The following KIFAP3 variants were observed in gnomAD, a reference collection of about 807,000 sequenced individuals.
The protein encoded by KIFAP3 is kinesin-associated protein 3.
KIFAP3 carries 68 observed loss-of-function variants against 106.5 expected under a neutral mutation model. The ratio of observed to expected loss-of-function variants is 0.64; its 90% CI spans 0.53 to 0.78. KIFAP3 has a LOEUF of 0.78. KIFAP3 is among the 30% of genes least tolerant of loss of function. The pLI, the probability that KIFAP3 is intolerant of heterozygous loss-of-function variation, is 0.00. For synonymous variants in KIFAP3, 320 were observed against 311.5 expected, an observed-to-expected ratio of 1.03 and a Z score of -0.29; for missense variants, 780 against 941.8, an observed-to-expected ratio of 0.83 and a Z score of 2.25.
chr1:170,069,841 A>AAT (rs199681298), intron 1 of KIFAP3, among the ~76,000 whole-genome samples: 4,280 of 151,664 alleles, frequency 0.028, 169 homozygotes, highest in East Asian at 0.12. Flanking sequence ...TGGGAAAAAA[A>AAT]AATAAAAAGG....
At chr1:170,073,864 C>G (rs188040980) in intron 1 of KIFAP3, among the ~76,000 whole-genome samples, 12 of 152,242 alleles carry the variant, frequency 7.9e-5, no homozygotes, top group Admixed American at 1.3e-4. Flanking sequence ...TTAATAATTA[C>G]TAAATGTCCT....
intron 19 of KIFAP3, among the ~76,000 whole-genome samples, chr1:169,948,446 C>T (rs1664557495): frequency 6.6e-6 from 1 of 151,824 alleles, no homozygotes; most frequent in Admixed American, 6.6e-5. Flanking sequence ...TAATAACACA[C>T]TAAATGAAGC....
upstream of KIFAP3, among the ~76,000 whole-genome samples, chr1:170,076,922 C>G (rs1671930552): frequency 6.6e-6 from 1 of 152,206 alleles, no homozygotes; most frequent in Non-Finnish European, 1.5e-5. Flanking sequence ...CAAACAGCAT[C>G]ATTAGTGAGA....
chr1:169,981,781 A>C (rs1666536596), intron 15 of KIFAP3, among the ~76,000 whole-genome samples, 191 bp downstream of exon 15: 1 of 152,186 alleles, frequency 6.6e-6, no homozygotes, highest in Non-Finnish European at 1.5e-5. Flanking sequence ...TTGAAAGCTA[A>C]AGATCTTTGA....
intron 2 of KIFAP3, among the ~76,000 whole-genome samples, chr1:170,051,866 G>C (rs977413343): frequency 3.3e-5 from 5 of 152,148 alleles, no homozygotes; most frequent in Non-Finnish European, 5.9e-5. Context: ...GAAATTTATA[G>C]CACTAAATGC....
intron 16 of KIFAP3, among the ~76,000 whole-genome samples, chr1:169,977,351 G>C (rs1189806883): frequency 1.3e-5 from 2 of 152,170 alleles, no homozygotes; most frequent in African/African-American, 4.8e-5. Context: ...ATGCGAGAAT[G>C]ATAAACTACC....
upstream of KIFAP3, among the ~76,000 whole-genome samples, chr1:170,076,853 G>A (rs1469145460): frequency 6.6e-6 from 1 of 152,148 alleles, no homozygotes; most frequent in East Asian, 1.9e-4. Flanking sequence ...AATTCTAAAG[G>A]AAAAGAAATG....
chr1:169,936,121 C>T (rs1663784332), intron 19 of KIFAP3, among the ~76,000 whole-genome samples: 2 of 151,846 alleles, frequency 1.3e-5, no homozygotes, highest in South Asian at 4.1e-4. Context: ...TAAAACTCTT[C>T]CAATGAAAAG....
chr1:169,981,823 ATT>A, intron 15 of KIFAP3, 147 bp downstream of exon 15: 1 of 631,542 alleles, frequency 1.6e-6, no homozygotes, highest in Non-Finnish European at 2.7e-6. Flanking sequence ...TTAGCAGTAT[ATT>A]TAATTCATTT....
At chr1:170,041,165 A>G (rs1669957491) in intron 3 of KIFAP3, among the ~76,000 whole-genome samples, 1 of 152,162 alleles carries the variant, frequency 6.6e-6, no homozygotes, top group Non-Finnish European at 1.5e-5. Flanking sequence ...AATTCATTCA[A>G]CAAATATATT....
At chr1:170,065,118 G>C (rs1258466887) in intron 1 of KIFAP3, among the ~76,000 whole-genome samples, 1 of 152,076 alleles carries the variant, frequency 6.6e-6, no homozygotes, top group Non-Finnish European at 1.5e-5. Flanking sequence ...GATTTTATCA[G>C]TATGAAATAC....
At chr1:170,047,036 A>G (rs1670294731) in intron 2 of KIFAP3, among the ~76,000 whole-genome samples, 170 bp from the exon 3 acceptor site, 1 of 152,182 alleles carries the variant, frequency 6.6e-6, no homozygotes, top group South Asian at 2.1e-4. Context: ...CAAGGCAGTG[A>G]TTTTCTGTGA....
chr1:169,980,286 C>T (rs2101905930), intron 15 of KIFAP3, among the ~76,000 whole-genome samples: 1 of 152,138 alleles, frequency 6.6e-6, no homozygotes, highest in East Asian at 1.9e-4. Flanking sequence ...ACACAAAATG[C>T]ACATATATTA....
chr1:170,040,091 C>T (rs1669895229), intron 3 of KIFAP3, among the ~76,000 whole-genome samples: 1 of 152,052 alleles, frequency 6.6e-6, no homozygotes, highest in Non-Finnish European at 1.5e-5. Context: ...TTTCAGAGGA[C>T]AGCACCCATT....
chr1:169,937,260 G>A (rs886770769), intron 19 of KIFAP3, among the ~76,000 whole-genome samples: 1 of 151,426 alleles, frequency 6.6e-6, no homozygotes, highest in African/African-American at 2.4e-5. Context: ...CAACTAAAAA[G>A]GTTATGAATA....
At chr1:170,077,786 G>A (rs187133275), upstream of KIFAP3, among the ~76,000 whole-genome samples, 497 of 152,102 alleles carry the variant, frequency 3.3e-3, 3 homozygotes, top group African/African-American at 0.011. Flanking sequence ...TTTCCAGAAC[G>A]TCATCTGAAT....
At chr1:170,061,502 G>C (rs562696275) in intron 1 of KIFAP3, among the ~76,000 whole-genome samples, 1 of 152,280 alleles carries the variant, frequency 6.6e-6, no homozygotes, top group Non-Finnish European at 1.5e-5. Flanking sequence ...TCATTAAAAA[G>C]TCAGGAAACA....
chr1:170,019,052 G>C (rs1196304592), intron 9 of KIFAP3, among the ~76,000 whole-genome samples: 1 of 152,048 alleles, frequency 6.6e-6, no homozygotes, highest in Non-Finnish European at 1.5e-5. Context: ...CCTTCAGACA[G>C]AGATAAAAAG....
chr1:169,928,381 AGCCACTGT>A (rs1663264561), intron 19 of KIFAP3, among the ~76,000 whole-genome samples: 1 of 152,128 alleles, frequency 6.6e-6, no homozygotes, highest in African/African-American at 2.4e-5. Flanking sequence ...TACAGGCGTG[AGCCACTGT>A]GCCCGGACCA....
Sources: allele counts gnomAD v4.1 joint callset (sites outside exome capture counted in the v4.1 genomes callset), GRCh38; gene constraint gnomAD v4.1.1; transcripts MANE v1.5; gene names NCBI Gene and HGNC (gene_info 2026-07-23, HGNC 2026-07-21).